PTPRN2: variants seen among roughly 807,000 people sequenced by gnomAD.
The protein encoded by PTPRN2 is protein tyrosine phosphatase receptor type N2, also known as receptor-type tyrosine-protein phosphatase N2.
In PTPRN2, 74 loss-of-function variants were observed where a neutral mutation model predicts 118.8. The observed-to-expected ratio is 0.62, with a 90% confidence interval of 0.52 to 0.76. The LOEUF (loss-of-function observed/expected upper bound fraction) is 0.76. Ranked by LOEUF, PTPRN2 falls within the 30% of genes least tolerant of loss-of-function variation. The pLI is 0.00. For missense variants in PTPRN2, 1,481 were observed against 1,394.4 expected, an observed-to-expected ratio of 1.06 and a Z score of -0.99; for synonymous variants, 641 against 608.0, an observed-to-expected ratio of 1.05 and a Z score of -0.80.
At chr7:157,600,766 T>A (rs1401569686) in intron 16 of PTPRN2, among the ~76,000 whole-genome samples, 1 of 152,214 alleles carries the variant, frequency 6.6e-6, no homozygotes, top group African/African-American at 2.4e-5. Context: ...GAGTTGAGAT[T>A]TACTTAAGTA....
chr7:157,688,354 G>C (rs935591138), intron 12 of PTPRN2, among the ~76,000 whole-genome samples: 2 of 152,190 alleles, frequency 1.3e-5, no homozygotes, highest in Non-Finnish European at 2.9e-5. Context: ...TGTCCAAAGG[G>C]GGAAGCACCC....
In PTPRN2 at chr7:157,629,514, C is replaced by T. The variant is rs151030990; in HGVS notation, c.2197-8005G>A. On this transcript the variant is annotated intron_variant, in intron 14 of 22. Coordinates refer to ENST00000389418, the MANE Select transcript of PTPRN2 (RefSeq NM_002847.5). This position sits in a 1 kb window ranked among gnomAD's most constrained non-coding sequence, Gnocchi z 4.4. ...GGACTATTTAAAAATGAGCAAAAGC[C>T]GGTCCATCTGGCATTATTTCTCATC... Among the ~76,000 whole-genome samples the T allele has an allele frequency of 3.1e-3, 465 of 152,228 alleles. 1 individual carries two copies. The highest frequency in any genetic ancestry group is 0.024 in the Middle Eastern group (7 of 294).
At position 157,785,460 on chromosome 7, in the gene PTPRN2, G is replaced by T. The variant is rs944056664; in HGVS notation, c.1789-102523C>A. Among the ~76,000 whole-genome samples the T allele has an allele frequency of 5.9e-5, 9 of 152,154 alleles. No individual in the cohort carries two copies. The highest frequency in any genetic ancestry group is 1.3e-4 in the Non-Finnish European group (9 of 68,016). ...GCAGGGCTCAGAGGGGCCCCAGGCC[G>T]GCCCCACTCCCAGACTAGAGCCAGC... On this transcript the variant is annotated intron_variant, in intron 12 of 22. Coordinates refer to ENST00000389418, the MANE Select transcript of PTPRN2 (RefSeq NM_002847.5). This position sits in a 1 kb window ranked among gnomAD's most constrained non-coding sequence, Gnocchi z 7.3.
intron 15 of PTPRN2, among the ~76,000 whole-genome samples, chr7:157,613,505 A>C (rs1004440157): frequency 1.1e-4 from 16 of 152,054 alleles, no homozygotes; most frequent in African/African-American, 3.9e-4. Flanking sequence ...GTGTCACCTC[A>C]GGCCCAGGAG....
At chr7:157,988,492 G>A (rs1263175065) in intron 11 of PTPRN2, among the ~76,000 whole-genome samples, 2 of 152,308 alleles carry the variant, frequency 1.3e-5, no homozygotes, top group East Asian at 3.9e-4. Context: ...CGTGCTGATA[G>A]ACCAAACACA....
chr7:158,324,162 C>G (rs778680944), intron 2 of PTPRN2, among the ~76,000 whole-genome samples: 1 of 152,134 alleles, frequency 6.6e-6, no homozygotes, highest in Admixed American at 6.5e-5. Flanking sequence ...CACACACAGT[C>G]TCCGCATAGA....
In PTPRN2 at chr7:157,629,924, C is replaced by T. The variant is rs1803835719; in HGVS notation, c.2197-8415G>A. ...GTTGAAGTCACAAGTTAGAGTAATG[C>T]TTTTAAAAGCAAGGACTAAGCTGCT... On this transcript the variant is annotated intron_variant, in intron 14 of 22. Transcript: ENST00000389418. This position sits in a 1 kb window ranked among gnomAD's most constrained non-coding sequence, Gnocchi z 4.4. Among the ~76,000 whole-genome samples, 1 of 152,206 alleles carries T rather than the reference C, an allele frequency of 6.6e-6. No homozygotes were observed. The highest frequency in any genetic ancestry group is 2.4e-5 in the African/African-American group (1 of 41,454).
chr7:157,851,653 C>G (rs1809282736), intron 12 of PTPRN2, among the ~76,000 whole-genome samples: 4 of 152,222 alleles, frequency 2.6e-5, no homozygotes, highest in Admixed American at 2.6e-4. Context: ...CCGCCCAGCT[C>G]TAGGTGCCTG....
chr7:158,164,530 GCGCA>G (rs1198589894), intron 6 of PTPRN2, among the ~76,000 whole-genome samples: 8 of 2,930 alleles, frequency 2.7e-3, no homozygotes, highest in Admixed American at 9.1e-3. Flanking sequence ...GAGCGGGAGC[GCGCA>G]CGTAGGGAAG....
intron 14 of PTPRN2, among the ~76,000 whole-genome samples, chr7:157,635,256 G>A (rs1310875996): frequency 6.6e-6 from 1 of 152,264 alleles, no homozygotes; most frequent in Non-Finnish European, 1.5e-5. Flanking sequence ...CAGTAACCAT[G>A]TGTTGGATGA....
intron 12 of PTPRN2, among the ~76,000 whole-genome samples, chr7:157,745,435 G>T (rs895585632): frequency 2.0e-5 from 3 of 151,738 alleles, no homozygotes; most frequent in Admixed American, 6.6e-5. Context: ...AGGCAGGTTG[G>T]GGGAGAGGAC....
rs115363167 is a variant in PTPRN2, at chr7:158,175,290, T to C, written c.550-7999A>G. 7.9e-3 allele frequency among the ~76,000 whole-genome samples: 1,196 copies of C among 152,294 alleles called. 21 individuals carry two copies. The highest frequency in any genetic ancestry group is 0.027 in the African/African-American group (1,116 of 41,556). On this transcript the variant is annotated intron_variant, in intron 5 of 22. Transcript: ENST00000389418. The stretch of plus-strand genomic sequence containing the variant: ...GCCTCAGTGCTATTCACAGGCTTCC[T>C]AATGAGCCGGCACCGGATGCGGCCA...
intron 12 of PTPRN2, among the ~76,000 whole-genome samples, chr7:157,710,833 G>T (rs6971974): frequency 8.5e-6 from 1 of 118,318 alleles, no homozygotes; most frequent in Non-Finnish European, 1.7e-5. Flanking sequence ...CGGGGCAGCC[G>T]GGTTACACGC....
intron 11 of PTPRN2, among the ~76,000 whole-genome samples, chr7:157,984,249 C>CCAA (rs1456296892): frequency 7.9e-6 from 1 of 126,006 alleles, no homozygotes; most frequent in Non-Finnish European, 1.7e-5. Flanking sequence ...CAGGCTCCAC[C>CCAA]TCCCCACGCC....
At chr7:158,130,182 G>A (rs944955534) in intron 9 of PTPRN2, among the ~76,000 whole-genome samples, 4 of 152,198 alleles carry the variant, frequency 2.6e-5, no homozygotes, top group Non-Finnish European at 4.4e-5. Flanking sequence ...GCAGCACAGC[G>A]ACAGCACCAG....
intron 12 of PTPRN2, among the ~76,000 whole-genome samples, chr7:157,752,217 G>A (rs943837794): frequency 5.3e-5 from 8 of 152,364 alleles, no homozygotes; most frequent in South Asian, 2.1e-4. Flanking sequence ...CGAGTGGCCA[G>A]GGCGGCTAAG....
intron 2 of PTPRN2, among the ~76,000 whole-genome samples, chr7:158,404,833 G>GC (rs1448277638): frequency 1.2e-5 from 1 of 80,448 alleles, no homozygotes; most frequent in Non-Finnish European, 2.4e-5. Flanking sequence ...CAGCTCCCCG[G>GC]CCCCAGCTCC....
chr7:158,073,761 C>T (rs1404434891), intron 11 of PTPRN2, among the ~76,000 whole-genome samples: 1 of 151,682 alleles, frequency 6.6e-6, no homozygotes, highest in Non-Finnish European at 1.5e-5. Flanking sequence ...ACAGCATTCG[C>T]TTATGGACAA....
chr7:158,550,172 G>A (rs568878729), intron 1 of PTPRN2, among the ~76,000 whole-genome samples: 8 of 152,264 alleles, frequency 5.3e-5, no homozygotes, highest in Admixed American at 3.3e-4. Flanking sequence ...TTGACTCCTC[G>A]AGCTCCTCGG....
Sources: gnomAD v4.1 joint callset for allele counts (sites outside exome capture counted in the v4.1 genomes callset) on GRCh38, gnomAD v4.1.1 for gene constraint, Gnocchi (gnomAD v3.1) non-coding constraint, MANE v1.5 for transcripts, NCBI Gene and HGNC (gene_info 2026-07-23, HGNC 2026-07-21) for gene names.